Variants in ZNF407 observed in about 807,000 individuals in gnomAD.
ZNF407 encodes zinc finger protein 407.
ZNF407 carries 17 observed loss-of-function variants against 131.2 expected under a neutral mutation model. The ratio of observed to expected loss-of-function variants is 0.13; its 90% CI spans 0.09 to 0.19. ZNF407 has a LOEUF of 0.19. Among genes scored for constraint, ZNF407 ranks in the 10% least tolerant of loss-of-function variants. The pLI is 1.00. For synonymous variants in ZNF407, 1,156 were observed against 1,062.0 expected, an observed-to-expected ratio of 1.09 and a Z score of -1.72; for missense variants, 2,681 against 2,830.6, an observed-to-expected ratio of 0.95 and a Z score of 1.20.
intron 3 of ZNF407, among the ~76,000 whole-genome samples, chr18:74,722,328 G>C (rs1200619002): frequency 6.6e-6 from 1 of 152,004 alleles, no homozygotes; most frequent in African/African-American, 2.4e-5. Context: ...TTTAAAAAAA[G>C]TTTTTAAAAT....
chr18:74,822,168 C>T (rs980694140), intron 4 of ZNF407, among the ~76,000 whole-genome samples: 7 of 152,084 alleles, frequency 4.6e-5, no homozygotes, highest in African/African-American at 1.7e-4. Flanking sequence ...GATATTAGCC[C>T]TCTGTCAGAT....
In ZNF407 at chr18:74,634,727, C is replaced by T. The variant is rs373077761; in HGVS notation, c.3708C>T (p.Asn1236=). ...LRVHCEGEGG[N]AGDGGGVVPH... is the part of the protein sequence containing the mutation. ...TCCATTGTGAGGGTGAAGGAGGAAACGCAGGAGACGGTGGAGGTGTTGTCC... is the reference window on the plus strand; with the variant it reads ...TCCATTGTGAGGGTGAAGGAGGAAATGCAGGAGACGGTGGAGGTGTTGTCC... The change falls in exon 2 of 9, where the codon AAC becomes AAT. Residue 1236 remains asparagine (N), a synonymous_variant. Coordinates refer to ENST00000299687, the MANE Select transcript of ZNF407 (RefSeq NM_017757.3). 4.3e-6 allele frequency: 7 copies of T among 1,613,956 alleles called. No homozygotes were observed. Among genetic ancestry groups the T allele is most frequent in the East Asian group, 2.2e-5 (1 of 44,886 alleles).
chr18:74,869,327 C>T (rs1314211482), intron 4 of ZNF407, among the ~76,000 whole-genome samples: 1 of 152,142 alleles, frequency 6.6e-6, no homozygotes, highest in East Asian at 1.9e-4. Context: ...TAATATATGT[C>T]TTATTCTCCA....
At chr18:74,770,926 A>T (rs1969347835) in intron 3 of ZNF407, among the ~76,000 whole-genome samples, 1 of 152,204 alleles carries the variant, frequency 6.6e-6, no homozygotes. Context: ...AAAAAATTCT[A>T]ACTTTTGTCT....
chr18:74,649,863 C>G (rs1985146613), intron 3 of ZNF407, among the ~76,000 whole-genome samples: 1 of 152,166 alleles, frequency 6.6e-6, no homozygotes, highest in Admixed American at 6.5e-5. Flanking sequence ...AACATTCGTC[C>G]ATTCATTTTC....
intron 3 of ZNF407, among the ~76,000 whole-genome samples, chr18:74,730,071 G>A (rs1968259249): frequency 6.6e-6 from 1 of 152,206 alleles, no homozygotes; most frequent in Non-Finnish European, 1.5e-5. Flanking sequence ...GGAAGGCCAT[G>A]TGCCAGGCGC....
intron 8 of ZNF407, among the ~76,000 whole-genome samples, chr18:74,932,584 T>C (rs1203339990): frequency 6.6e-6 from 1 of 152,210 alleles, no homozygotes; most frequent in Non-Finnish European, 1.5e-5. Context: ...ATATTTGTTA[T>C]AACCAATCAT....
intron 1 of ZNF407, among the ~76,000 whole-genome samples, chr18:74,602,202 C>T (rs567207431): frequency 3.3e-5 from 5 of 152,202 alleles, no homozygotes; most frequent in Admixed American, 6.5e-5. Context: ...AAGTTGATGG[C>T]GGTGTAGGAG....
intron 8 of ZNF407, among the ~76,000 whole-genome samples, chr18:74,960,454 A>G (rs986261084): frequency 6.9e-6 from 1 of 144,962 alleles, no homozygotes; most frequent in Admixed American, 6.8e-5. Context: ...TGGTGGAGGG[A>G]TAGGAGAAGG....
intron 7 of ZNF407, among the ~76,000 whole-genome samples, chr18:74,908,505 G>A (rs909111580): frequency 6.6e-6 from 1 of 152,080 alleles, no homozygotes; most frequent in Non-Finnish European, 1.5e-5. Flanking sequence ...TCTTTGTGCT[G>A]TCTGTTCTGT....
At chr18:74,979,103 C>T (rs1025891980) in intron 8 of ZNF407, among the ~76,000 whole-genome samples, 2 of 152,034 alleles carry the variant, frequency 1.3e-5, no homozygotes, top group African/African-American at 2.4e-5. Context: ...GTAGAATTAG[C>T]GACACCTGGG....
At chr18:74,723,114 A>G (rs1293497138) in intron 3 of ZNF407, among the ~76,000 whole-genome samples, 1 of 152,028 alleles carries the variant, frequency 6.6e-6, no homozygotes, top group East Asian at 1.9e-4. Context: ...GCCCTTGTAA[A>G]ACTTGGTTAT....
rs574625434 is a variant in ZNF407, at chr18:74,924,128, T to G, written c.5428+3436T>G. On this transcript the variant is annotated intron_variant, in intron 8 of 8. Coordinates refer to ENST00000299687, the MANE Select transcript of ZNF407 (RefSeq NM_017757.3). Reference sequence around the variant, plus strand: ...ACGTTTTATATGATTGTGTTTATATTAAATATAAAAACAGATAAAACAACT... The same window carrying G: ...ACGTTTTATATGATTGTGTTTATATGAAATATAAAAACAGATAAAACAACT... Among the ~76,000 whole-genome samples, 7 of 152,296 alleles carry G rather than the reference T, an allele frequency of 4.6e-5. No individual in the cohort carries two copies. In the East Asian group the frequency reaches 1.4e-3, roughly 29 times the overall value.
intron 8 of ZNF407, among the ~76,000 whole-genome samples, chr18:75,001,170 C>T (rs369794027): frequency 7.4e-4 from 113 of 152,164 alleles, no homozygotes; most frequent in African/African-American, 2.6e-3. Context: ...CTAGCACAGA[C>T]TGGGGAAAAT....
chr18:74,771,090 C>G (rs546109003), intron 3 of ZNF407, among the ~76,000 whole-genome samples: 1 of 151,952 alleles, frequency 6.6e-6, no homozygotes, highest in African/African-American at 2.4e-5. Flanking sequence ...TATAAAATTA[C>G]AAGGGTACAT....
intron 1 of ZNF407, among the ~76,000 whole-genome samples, chr18:74,617,096 A>ACACACATCCATATCGACACACCAC (rs1352602380): frequency 8.2e-5 from 2 of 24,260 alleles, no homozygotes; most frequent in African/African-American, 2.7e-4. Flanking sequence ...TCCATGCACC[A>ACACACATCCATATCGACACACCAC]ACACATCCAT....
intron 8 of ZNF407, among the ~76,000 whole-genome samples, chr18:74,921,778 G>C (rs1027020575): frequency 1.3e-5 from 2 of 152,172 alleles, no homozygotes; most frequent in South Asian, 4.1e-4. Flanking sequence ...TGATGGGGTC[G>C]TTAGTAGTGG....
chr18:74,804,089 G>A, intron 4 of ZNF407: 1 of 1,549,526 alleles, frequency 6.5e-7, no homozygotes, highest in Non-Finnish European at 8.7e-7. Context: ...CCTGCAGTGG[G>A]AGGATTGGCT....
intron 3 of ZNF407, among the ~76,000 whole-genome samples, chr18:74,644,057 C>A (rs1984850445): frequency 6.6e-6 from 1 of 151,864 alleles, no homozygotes; most frequent in Non-Finnish European, 1.5e-5. Context: ...TCAAGGTTTA[C>A]CTGCTCATGT....
Sources: allele counts gnomAD v4.1 joint callset (sites outside exome capture counted in the v4.1 genomes callset), GRCh38; gene constraint gnomAD v4.1.1; transcripts MANE v1.5; gene names NCBI Gene and HGNC (gene_info 2026-07-23, HGNC 2026-07-21).